The following PRKN variants were observed in gnomAD, a reference collection of about 807,000 sequenced individuals.
PRKN encodes the protein E3 ubiquitin-protein ligase parkin.
A neutral mutation model predicts 59.5 loss-of-function variants in PRKN; 56 were observed. The observed-to-expected ratio is 0.94, with a 90% CI of 0.76 to 1.18. PRKN has a LOEUF of 1.18. Among genes scored for constraint, PRKN ranks in the 50% most tolerant of loss-of-function variants. The pLI, the probability that PRKN is intolerant of heterozygous loss-of-function variation, is 0.00. For missense variants in PRKN, 657 were observed against 596.4 expected (o/e 1.10, Z -1.06); for synonymous variants, 250 against 222.1 (o/e 1.13, Z -1.12).
In PRKN at chr6:162,004,859, A is replaced by C. The variant is rs1782189229; in HGVS notation, c.619-31442T>G. Among the ~76,000 whole-genome samples, 4 of 152,230 alleles carry C rather than the reference A, an allele frequency of 2.6e-5. 1 individual carries two copies. In the South Asian group the frequency reaches 8.3e-4, roughly 31 times the overall value. On this transcript the variant is annotated intron_variant, in intron 5 of 11. Coordinates refer to ENST00000366898, the MANE Select transcript of PRKN (RefSeq NM_004562.3). ...AATGGAAAGAAAATTTCAAGGAAAT[A>C]GTGTTGATGTTGGGCTCAGTGGGAT...
chr6:161,998,055 TA>T (rs1337454391), intron 5 of PRKN, among the ~76,000 whole-genome samples: 1 of 152,158 alleles, frequency 6.6e-6, no homozygotes, highest in Admixed American at 6.5e-5. Flanking sequence ...CAAAATATAT[TA>T]AAAAACATAA....
chr6:161,926,292 C>T (rs532570687), intron 6 of PRKN, among the ~76,000 whole-genome samples: 2 of 152,194 alleles, frequency 1.3e-5, no homozygotes, highest in African/African-American at 4.8e-5. Context: ...AAGACCTGGG[C>T]GAATTTCCCT....
intron 2 of PRKN, among the ~76,000 whole-genome samples, chr6:162,400,123 C>T (rs1165729704): frequency 2.0e-5 from 3 of 151,952 alleles, no homozygotes; most frequent in Admixed American, 6.6e-5. Flanking sequence ...AGGAGAATTG[C>T]TTGAACCTGG....
In PRKN at chr6:162,122,412, G is replaced by A. The variant is rs544928316; in HGVS notation, c.535-68238C>T. Among the ~76,000 whole-genome samples, 17 of 152,222 alleles carry A rather than the reference G, an allele frequency of 1.1e-4. No individual in the cohort carries two copies. The South Asian group carries it at 2.9e-3, about 26-fold the overall frequency. ...ATGCAGGAGGCAGCAAACGGTCCTC[G>A]CTGGAAAAGGCATTTATTTTGGGTA... On this transcript the variant is annotated intron_variant, in intron 4 of 11. Transcript: ENST00000366898.
At chr6:161,472,846 T>C (rs1176455531) in intron 9 of PRKN, among the ~76,000 whole-genome samples, 3 of 152,020 alleles carry the variant, frequency 2.0e-5, no homozygotes, top group Non-Finnish European at 4.4e-5. Context: ...ACAAAGAGCC[T>C]GAATAGACAT....
chr6:162,014,663 G>A (rs1300561818), intron 5 of PRKN, among the ~76,000 whole-genome samples: 1 of 152,104 alleles, frequency 6.6e-6, no homozygotes, highest in African/African-American at 2.4e-5. Context: ...AGTGATGAAA[G>A]GTTTAACTCA....
chr6:162,610,736 G>T (rs997202414), intron 1 of PRKN, among the ~76,000 whole-genome samples: 3 of 152,110 alleles, frequency 2.0e-5, no homozygotes, highest in African/African-American at 7.2e-5. Context: ...AATATTTCAT[G>T]TTAGCATTTT....
chr6:162,353,540 T>C (rs2128131776), intron 2 of PRKN, among the ~76,000 whole-genome samples: 1 of 152,284 alleles, frequency 6.6e-6, no homozygotes, highest in African/African-American at 2.4e-5. Context: ...TTCACATATG[T>C]ATACTTAATT....
intron 5 of PRKN, among the ~76,000 whole-genome samples, chr6:161,995,173 TGACA>T (rs1781796273): frequency 6.6e-6 from 1 of 152,036 alleles, no homozygotes. Context: ...AAGGTAACAA[TGACA>T]AACATTGGAG....
chr6:162,356,747 T>TAAAAAAAAAAAAAAAAAAA (rs748212596), intron 2 of PRKN, among the ~76,000 whole-genome samples: 1 of 73,066 alleles, frequency 1.4e-5, no homozygotes, highest in Non-Finnish European at 2.7e-5. Context: ...TGATTATTAG[T>TAAAAAAAAAAAAAAAAAAA]AAAAAAAAAA....
chr6:162,480,260 G>A (rs530204429), intron 1 of PRKN, among the ~76,000 whole-genome samples: 1 of 152,094 alleles, frequency 6.6e-6, no homozygotes. Flanking sequence ...TTACCATGGC[G>A]AAGACATCAC....
intron 9 of PRKN, among the ~76,000 whole-genome samples, chr6:161,485,940 A>G (rs1017602441): frequency 1.3e-5 from 2 of 152,102 alleles, no homozygotes; most frequent in Admixed American, 6.6e-5. Flanking sequence ...CTTAAACTGT[A>G]AGATTCTATT....
chr6:162,664,543 T>C (rs1584008234), intron 1 of PRKN, among the ~76,000 whole-genome samples: 1 of 152,192 alleles, frequency 6.6e-6, no homozygotes, highest in Admixed American at 6.5e-5. Context: ...CTCCATGGCC[T>C]GGCCAGCATC....
rs1269039936 is a variant in PRKN, at chr6:161,471,577, A to C, written c.1083+77277T>G. ...ATTAACAACTTGAAAATAGACCTTG[A>C]CAGAATGATGACCTAATTTCTATAT... On this transcript the variant is annotated intron_variant, in intron 9 of 11. Coordinates refer to ENST00000366898, the MANE Select transcript of PRKN (RefSeq NM_004562.3). This position sits in a 1 kb window ranked among gnomAD's most constrained non-coding sequence, Gnocchi z 4.5. Among the ~76,000 whole-genome samples the C allele has an allele frequency of 1.3e-5, 2 of 152,222 alleles. No homozygotes were observed. The highest frequency in any genetic ancestry group is 4.8e-5 in the African/African-American group (2 of 41,452).
At chr6:161,601,034 T>C (rs1782086852) in intron 7 of PRKN, among the ~76,000 whole-genome samples, 1 of 152,232 alleles carries the variant, frequency 6.6e-6, no homozygotes, top group Non-Finnish European at 1.5e-5. Flanking sequence ...AAGTGTCAGC[T>C]TACAACAAAG....
At chr6:161,416,344 C>T (rs1004100549) in intron 9 of PRKN, among the ~76,000 whole-genome samples, 3 of 152,074 alleles carry the variant, frequency 2.0e-5, no homozygotes, top group African/African-American at 7.2e-5. Flanking sequence ...TCTGTTTTCC[C>T]CCGAGGAGAG....
chr6:161,485,445 T>A (rs543569227), intron 9 of PRKN, among the ~76,000 whole-genome samples: 2 of 152,354 alleles, frequency 1.3e-5, no homozygotes, highest in East Asian at 3.9e-4. Context: ...ACAGGGCTGA[T>A]TTTCTAATCA....
Position 161,419,843 on chromosome 6 carries a change from G to C in PRKN, c.1084-32966C>G, listed in dbSNP as rs1351729123. Among the ~76,000 whole-genome samples the C allele has an allele frequency of 6.6e-6, 1 of 152,020 alleles. No individual in the cohort carries two copies. The highest frequency in any genetic ancestry group is 1.5e-5 in the Non-Finnish European group (1 of 68,018). On this transcript the variant is annotated intron_variant, in intron 9 of 11. Coordinates refer to ENST00000366898, the MANE Select transcript of PRKN (RefSeq NM_004562.3). The surrounding 1 kb of genome is among the most constrained non-coding windows in gnomAD (Gnocchi z 4.1). ...AATTTCCATTTATTTCACTGTGAAA[G>C]GGGGAAATTGGTACCTACTTGTGGG...
At position 161,499,487 on chromosome 6, in the gene PRKN, C is replaced by A. The variant is rs1253556203; in HGVS notation, c.1083+49367G>T. 6.6e-6 allele frequency among the ~76,000 whole-genome samples: 1 copy of A among 152,094 alleles called. No individual in the cohort carries two copies. The highest frequency in any genetic ancestry group is 6.5e-5 in the Admixed American group (1 of 15,268). Reference sequence around the variant, plus strand: ...CCCCTCATTTCTCTCGTTCATGTCACCTGTTGCTTCTTATTGGCTTTGGAA... The same window carrying A: ...CCCCTCATTTCTCTCGTTCATGTCAACTGTTGCTTCTTATTGGCTTTGGAA... On this transcript the variant is annotated intron_variant, in intron 9 of 11. Transcript: ENST00000366898. The surrounding 1 kb of genome is among the most constrained non-coding windows in gnomAD (Gnocchi z 4.2).
Sources: allele counts gnomAD v4.1 joint callset (sites outside exome capture counted in the v4.1 genomes callset), GRCh38; gene constraint gnomAD v4.1.1; non-coding constraint Gnocchi (gnomAD v3.1); transcripts MANE v1.5; gene names NCBI Gene and HGNC (gene_info 2026-07-23, HGNC 2026-07-21).